Variants in SIGLECL1 observed in about 807,000 individuals in gnomAD.
The protein encoded by SIGLECL1 is SIGLEC family like 1.
A neutral mutation model predicts 19.1 loss-of-function variants in SIGLECL1; 16 were observed. That is an observed-to-expected ratio of 0.84 (90% CI 0.57 to 1.27). SIGLECL1 has a LOEUF of 1.27. Ranked by LOEUF, SIGLECL1 falls within the 50% of genes most tolerant of loss-of-function variation. SIGLECL1 has a pLI of 0.00. For missense variants in SIGLECL1, 210 were observed against 239.4 expected (o/e 0.88, Z 0.81); for synonymous variants, 89 against 90.4 (o/e 0.98, Z 0.09).
intron 1 of SIGLECL1, among the ~76,000 whole-genome samples, chr19:51,252,945 T>A (rs758133334): frequency 2.4e-4 from 37 of 151,960 alleles, no homozygotes; most frequent in Non-Finnish European, 4.9e-4. Context: ...GGTAACATAG[T>A]GAGACTCTGT....
intron 1 of SIGLECL1, among the ~76,000 whole-genome samples, 166 bp from the exon 2 acceptor site, chr19:51,263,717 C>T (rs2123437715): frequency 6.6e-6 from 1 of 152,280 alleles, no homozygotes; most frequent in East Asian, 1.9e-4. Flanking sequence ...GAGATCGAGC[C>T]ACTGCACTCC....
chr19:51,268,697 A>G lies in SIGLECL1; in HGVS notation c.*100A>G, dbSNP rs1983853319. 3 of 1,207,192 alleles carry G rather than the reference A, an allele frequency of 2.5e-6. No individual in the cohort carries two copies. The highest frequency in any genetic ancestry group is 2.2e-5 in the Admixed American group (1 of 46,132). 74.8% of individuals were successfully genotyped at this position (1,207,192 alleles called of 1,614,324 possible). ...TCACAGAAACCCTGGAGGCTGTAAT[A>G]AACCTGGAGCCCCCTGGACTCTCCT... On this transcript the variant is annotated 3_prime_UTR_variant, in exon 6 of 6. Transcript: ENST00000601727.
intron 5 of SIGLECL1, among the ~76,000 whole-genome samples, chr19:51,268,090 T>C (rs962821036): frequency 6.6e-6 from 1 of 152,168 alleles, no homozygotes; most frequent in African/African-American, 2.4e-5. Flanking sequence ...GCATGAACAG[T>C]TGGTGTCCTT....
chr19:51,258,579 C>T (rs563824973), intron 1 of SIGLECL1, among the ~76,000 whole-genome samples: 119 of 152,264 alleles, frequency 7.8e-4, no homozygotes, highest in African/African-American at 2.2e-3. Flanking sequence ...GTGGCTGAGG[C>T]GGATCCTGAT....
intron 1 of SIGLECL1, among the ~76,000 whole-genome samples, chr19:51,263,462 G>A (rs1035997745): frequency 6.6e-6 from 1 of 152,086 alleles, no homozygotes; most frequent in Non-Finnish European, 1.5e-5. Context: ...CAGAGAGAGA[G>A]AAAGACCCTG....
At chr19:51,266,004 G>A in intron 4 of SIGLECL1, 122 bp downstream of exon 4, 1 of 913,706 alleles carries the variant, frequency 1.1e-6, no homozygotes, top group South Asian at 1.5e-5. Flanking sequence ...TCTAAAGAGG[G>A]AAAGATGTAC....
Position 51,265,471 on chromosome 19 carries a change from A to C in SIGLECL1, c.126A>C (p.Gly42=). Residue 42 remains glycine, a synonymous_variant, in exon 3 of 6, where the codon GGA becomes GGC. Coordinates refer to ENST00000601727, the MANE Select transcript of SIGLECL1 (RefSeq NM_001385465.1). The part of the protein sequence containing the change: ...IPTPSVQWWM[G]GVPVGVDGMD... ...CACCCTCTGTGCAGTGGTGGATGGG[A>C]GGAGTCCCCGTGGGTGTGGATGGCA... 6.2e-7 allele frequency: 1 copy of C among 1,614,082 alleles called. No individual in the cohort carries two copies. The highest frequency in any genetic ancestry group is 8.5e-7 in the Non-Finnish European group (1 of 1,180,020).
intron 2 of SIGLECL1, 21 bp from the exon 3 acceptor site, chr19:51,265,347 C>T (rs1983560607): frequency 6.3e-7 from 1 of 1,588,514 alleles, no homozygotes; most frequent in Non-Finnish European, 8.6e-7. Context: ...CTTGCTGACT[C>T]CTGACCCTTC....
intron 1 of SIGLECL1, chr19:51,257,831 G>C (rs1394653203): frequency 6.6e-6 from 1 of 152,370 alleles, no homozygotes; most frequent in East Asian, 1.9e-4. Flanking sequence ...TGGATGCTAA[G>C]ATCCACCATG....
upstream of SIGLECL1, among the ~76,000 whole-genome samples, chr19:51,246,961 C>T (rs273649): frequency 0.66 from 100,196 of 152,064 alleles, 34,467 homozygotes; most frequent in African/African-American, 0.85. Context: ...CGCTTACGTC[C>T]AGATGAATGC....
chr19:51,248,381 T>C (rs1165129838), upstream of SIGLECL1, among the ~76,000 whole-genome samples: 1 of 152,218 alleles, frequency 6.6e-6, no homozygotes, highest in Non-Finnish European at 1.5e-5. Context: ...CACCACCAGA[T>C]GGTCTTTTTT....
chr19:51,262,650 T>G (rs1165165568), intron 1 of SIGLECL1, among the ~76,000 whole-genome samples: 1 of 152,236 alleles, frequency 6.6e-6, no homozygotes, highest in Non-Finnish European at 1.5e-5. Context: ...CTAGAAGTTA[T>G]TTTTATGTAT....
intron 4 of SIGLECL1, among the ~76,000 whole-genome samples, chr19:51,266,235 A>G (rs1210510228): frequency 6.6e-6 from 1 of 152,110 alleles, no homozygotes. Flanking sequence ...GTACAGGTTG[A>G]GTATCTAATC....
chr19:51,253,501 A>G (rs1982620769), intron 1 of SIGLECL1, among the ~76,000 whole-genome samples: 1 of 152,230 alleles, frequency 6.6e-6, no homozygotes, highest in Admixed American at 6.5e-5. Flanking sequence ...GCCAAACAAA[A>G]TTCATTTATG....
intron 1 of SIGLECL1, among the ~76,000 whole-genome samples, chr19:51,254,556 C>A (rs947091424): frequency 1.3e-5 from 2 of 152,084 alleles, no homozygotes; most frequent in African/African-American, 4.8e-5. Context: ...TATATCATTT[C>A]ATTTATATAC....
intron 1 of SIGLECL1, among the ~76,000 whole-genome samples, chr19:51,263,162 G>A (rs1463620246): frequency 6.6e-6 from 1 of 152,102 alleles, no homozygotes; most frequent in Non-Finnish European, 1.5e-5. Context: ...AATTGGAATT[G>A]ATCATTTTTT....
In SIGLECL1 at chr19:51,268,954, G is replaced by A; in HGVS notation, c.*357G>A. On this transcript the variant is annotated 3_prime_UTR_variant, in exon 6 of 6. Coordinates refer to ENST00000601727, the MANE Select transcript of SIGLECL1 (RefSeq NM_001385465.1). ...CAAGTTACTTTTGAGCGCCTACTGT[G>A]TGTCAGTGCCTGAGATACACCTACA... 4.6e-6 allele frequency: 1 copy of A among 218,866 alleles called. No individual in the cohort carries two copies. The highest frequency in any genetic ancestry group is 9.1e-6 in the Non-Finnish European group (1 of 110,046). The allele number at this position is 218,866 out of a possible 1,614,324, so 13.6% of individuals were successfully genotyped here. A position where few individuals can be genotyped will look rare whatever the true frequency, so the allele number is the denominator to read the frequency against.
chr19:51,261,401 G>A (rs1983208560), intron 1 of SIGLECL1, among the ~76,000 whole-genome samples: 1 of 152,086 alleles, frequency 6.6e-6, no homozygotes, highest in Non-Finnish European at 1.5e-5. Context: ...CCATTCTCCT[G>A]CCTCGGCCTC....
chr19:51,267,208 G>A (rs562658597), intron 4 of SIGLECL1, among the ~76,000 whole-genome samples, 165 bp from the exon 5 acceptor site: 38 of 152,202 alleles, frequency 2.5e-4, no homozygotes, highest in Non-Finnish European at 4.8e-4. Context: ...CCCTTATTCA[G>A]AGTGTGAAAC....
Sources: allele counts gnomAD v4.1 joint callset (sites outside exome capture counted in the v4.1 genomes callset), GRCh38; gene constraint gnomAD v4.1.1; transcripts MANE v1.5; gene names NCBI Gene and HGNC (gene_info 2026-07-23, HGNC 2026-07-21).